The following DNAH8 variants were observed in gnomAD, a reference collection of about 807,000 sequenced individuals.
The protein encoded by DNAH8 is axonemal beta dynein heavy chain 8.
Under a neutral mutation model 562.1 loss-of-function variants are expected in DNAH8, and 382 were observed. The ratio of observed to expected loss-of-function variants is 0.68; its 90% CI spans 0.63 to 0.74. DNAH8 has a LOEUF of 0.74. Ranked by LOEUF, DNAH8 falls within the 30% of genes least tolerant of loss-of-function variation. The pLI, the probability that DNAH8 is intolerant of heterozygous loss-of-function variation, is 0.00. For missense variants in DNAH8, 5,203 were observed against 5,620.4 expected (o/e 0.93, Z 2.37); for synonymous variants, 1,881 against 1,919.4 (o/e 0.98, Z 0.52).
intron 17 of DNAH8, among the ~76,000 whole-genome samples, chr6:38,783,693 G>A (rs1046858862): frequency 6.6e-5 from 10 of 152,182 alleles, no homozygotes; most frequent in African/African-American, 1.4e-4. Context: ...AATGTGAGAC[G>A]GGATGGTTCT....
intron 60 of DNAH8, 76 bp downstream of exon 60, chr6:38,896,301 T>C: frequency 1.7e-6 from 2 of 1,206,176 alleles, no homozygotes; most frequent in Non-Finnish European, 1.2e-6. Context: ...ACCAGAGTCC[T>C]ACCATGGAGT....
intron 89 of DNAH8, among the ~76,000 whole-genome samples, chr6:39,011,171 G>A (rs890925677): frequency 2.0e-5 from 3 of 151,800 alleles, no homozygotes; most frequent in Non-Finnish European, 4.4e-5. Context: ...CAACCCAATT[G>A]CAGTAAACAG....
At chr6:38,807,800 A>C in intron 24 of DNAH8, 84 bp downstream of exon 24, 1 of 633,904 alleles carries the variant, frequency 1.6e-6, no homozygotes. Flanking sequence ...AATTAAAAAA[A>C]CTATAAAATT....
At chr6:39,019,995 C>T (rs1201716668) in intron 91 of DNAH8, among the ~76,000 whole-genome samples, 2 of 151,864 alleles carry the variant, frequency 1.3e-5, no homozygotes, top group African/African-American at 4.8e-5. Context: ...GAGAGTTTGT[C>T]AACAGAGGGA....
At chr6:38,991,454 C>T (rs191296177) in intron 88 of DNAH8, among the ~76,000 whole-genome samples, 6 of 152,256 alleles carry the variant, frequency 3.9e-5, no homozygotes, top group African/African-American at 2.4e-5. Context: ...CAACTCTTAA[C>T]GTTTTATGAA....
At chr6:38,814,965 G>A (rs886870296) in intron 25 of DNAH8, among the ~76,000 whole-genome samples, 11 of 151,444 alleles carry the variant, frequency 7.3e-5, no homozygotes, top group African/African-American at 2.7e-4. Context: ...ATAAGGCCAG[G>A]CAGAAACGGT....
chr6:38,932,001 C>G lies in DNAH8; in HGVS notation c.11457+8C>G, dbSNP rs201737266. On this transcript the variant is annotated splice_region_variant and intron_variant, in intron 76 of 92. Transcript: ENST00000327475. ...ATTCTAACAGAGAAACAGGTAATCTCTCTCTCAAGGTAAAGAATTTCTGCT... is the reference window on the plus strand; with the variant it reads ...ATTCTAACAGAGAAACAGGTAATCTGTCTCTCAAGGTAAAGAATTTCTGCT... 1.9e-6 allele frequency: 3 copies of G among 1,539,142 alleles called. No homozygotes were observed. The highest frequency in any genetic ancestry group is 1.3e-5 in the South Asian group (1 of 78,302).
intron 53 of DNAH8, 49 bp from the exon 54 acceptor site, chr6:38,882,861 C>A: frequency 7.7e-7 from 1 of 1,303,034 alleles, no homozygotes; most frequent in Non-Finnish European, 1.0e-6. Context: ...TATGAGATAA[C>A]TTTCACAGAA....
At chr6:38,864,204 T>C in intron 45 of DNAH8, 144 bp downstream of exon 45, 1 of 778,840 alleles carries the variant, frequency 1.3e-6, no homozygotes, top group Non-Finnish European at 2.0e-6. Context: ...TTTTATGTCA[T>C]TATAACCCAG....
intron 88 of DNAH8, among the ~76,000 whole-genome samples, chr6:38,991,338 G>A (rs942915063): frequency 6.6e-6 from 1 of 152,212 alleles, no homozygotes; most frequent in African/African-American, 2.4e-5. Context: ...ACGAAGGTTC[G>A]TTAGTGGCAG....
rs1263708127 is a variant in DNAH8, at chr6:38,973,675, A to G, written c.12540A>G (p.Leu4180=). 6 of 1,600,704 alleles carry G rather than the reference A, an allele frequency of 3.7e-6. No individual in the cohort carries two copies. The highest frequency in any genetic ancestry group is 3.4e-5 in the South Asian group (3 of 88,134). ...TTTGGATACAGGGTGGTTGGGTATT[A>G]CTACAAAATTGCCACCTTGGCCTGG... The part of the protein sequence containing the change: ...QMSMQQGGWV[L]LQNCHLGLEF... Residue 4180 remains leucine, a synonymous_variant, in exon 84 of 93, where the codon TTA becomes TTG. Transcript: ENST00000327475.
intron 91 of DNAH8, among the ~76,000 whole-genome samples, chr6:39,024,977 C>T (rs1027100632): frequency 5.3e-5 from 8 of 152,144 alleles, no homozygotes; most frequent in African/African-American, 1.7e-4. Context: ...GTGGGCACTC[C>T]GAGTAAATGT....
At position 38,923,038 on chromosome 6, in the gene DNAH8, T is replaced by TTC. The variant is rs1781835470; in HGVS notation, c.10663-17_10663-16dup. 5 of 1,602,078 alleles carry TTC rather than the reference T, an allele frequency of 3.1e-6. No homozygotes were observed. Among genetic ancestry groups the TTC allele is most frequent in the Non-Finnish European group, 4.3e-6 (5 of 1,175,882 alleles). The stretch of plus-strand genomic sequence containing the variant: ...GCACTTAGAAAAGTTTTTTGAGACA[T>TTC]TCTCCCATTATGGCTGCAGGATTTG... On this transcript the variant is annotated intron_variant, in intron 71 of 92. Coordinates refer to ENST00000327475, the MANE Select transcript of DNAH8 (RefSeq NM_001206927.2).
intron 91 of DNAH8, among the ~76,000 whole-genome samples, chr6:39,025,561 C>T (rs1443935931): frequency 3.9e-5 from 6 of 152,136 alleles, no homozygotes; most frequent in Admixed American, 3.9e-4. Context: ...TCTTTCTTTC[C>T]AACTCCAAGG....
At chr6:39,005,678 T>C (rs180822457) in intron 88 of DNAH8, among the ~76,000 whole-genome samples, 1 of 152,242 alleles carries the variant, frequency 6.6e-6, no homozygotes, top group Admixed American at 6.5e-5. Context: ...TTTTCTTGCC[T>C]TCATTCTTGA....
Position 38,803,074 on chromosome 6 carries a change from T to C in DNAH8, c.2902-105T>C, listed in dbSNP as rs576937028. On this transcript the variant is annotated intron_variant, in intron 21 of 92. Transcript: ENST00000327475. ...TTTCAGCTATCTCTAGCTTTTTTTT[T>C]CAAGTGAAGTTAATTATAGTTTTAT... The C allele has an allele frequency of 2.6e-5, 21 of 800,622 alleles. No homozygotes were observed. The South Asian group carries it at 5.0e-4, about 19-fold the overall frequency. 49.6% of individuals were successfully genotyped at this position (800,622 alleles called of 1,614,324 possible).
chr6:38,936,727 C>T (rs1783002539), intron 77 of DNAH8, among the ~76,000 whole-genome samples: 1 of 152,158 alleles, frequency 6.6e-6, no homozygotes, highest in East Asian at 1.9e-4. Flanking sequence ...CTGAGGGCTG[C>T]TCCCCTAGTC....
chr6:38,881,549 GTTTT>G (rs3047883), intron 53 of DNAH8, among the ~76,000 whole-genome samples: 38 of 134,024 alleles, frequency 2.8e-4, no homozygotes, highest in East Asian at 1.7e-3. Context: ...TGAAATCAAT[GTTTT>G]TTTTTTTTTT....
At chr6:38,971,523 T>A in intron 82 of DNAH8, 69 bp from the exon 83 acceptor site, 1 of 999,988 alleles carries the variant, frequency 1.0e-6, no homozygotes, top group Non-Finnish European at 1.4e-6. Flanking sequence ...CATTCAGAAA[T>A]TAATTTTTCA....
Sources: gnomAD v4.1 joint callset for allele counts (sites outside exome capture counted in the v4.1 genomes callset) on GRCh38, gnomAD v4.1.1 for gene constraint, MANE v1.5 for transcripts, NCBI Gene and HGNC (gene_info 2026-07-23, HGNC 2026-07-21) for gene names.